CAPN3: variants seen among roughly 807,000 people sequenced by gnomAD.
CAPN3 encodes calpain 3.
A neutral mutation model predicts 114.0 loss-of-function variants in CAPN3; 88 were observed. The observed-to-expected ratio is 0.77, with a 90% CI of 0.65 to 0.92. The LOEUF (loss-of-function observed/expected upper bound fraction) is 0.92, where lower values mean the gene tolerates loss of function less well. Ranked by LOEUF, CAPN3 falls within the 40% of genes least tolerant of loss-of-function variation. CAPN3 has a pLI of 0.00. For missense variants in CAPN3, 1,028 were observed against 1,069.0 expected (o/e 0.96, Z 0.53); for synonymous variants, 386 against 382.9 (o/e 1.01, Z -0.09).
intron 2 of CAPN3, chr15:42,385,710 T>G (rs751752776): frequency 1.9e-6 from 1 of 520,826 alleles, no homozygotes; most frequent in Non-Finnish European, 3.8e-6. Flanking sequence ...TACCTGGCCT[T>G]CCTTCCAATA....
At chr15:42,367,187 T>C (rs2052810775) in intron 1 of CAPN3, among the ~76,000 whole-genome samples, 1 of 152,012 alleles carries the variant, frequency 6.6e-6, no homozygotes, top group Non-Finnish European at 1.5e-5. Context: ...AGTGACTTGG[T>C]AGAGGGTGGA....
At position 42,403,768 on chromosome 15, in the gene CAPN3, T is replaced by C; in HGVS notation, c.1773T>C (p.Asp591=). ...SEEVENTISV[D]RPVKKKKTKP... The stretch of plus-strand genomic sequence containing the variant: ...AAGTTGAAAATACCATCTCCGTGGA[T>C]CGGCCAGTGGTGAGTGGTTTAGATC... Residue 591 remains aspartate, a synonymous_variant, in exon 14 of 24, where the codon GAT becomes GAC. Transcript: ENST00000397163. 1 of 1,614,022 alleles carries C rather than the reference T, an allele frequency of 6.2e-7. No individual in the cohort carries two copies. Among genetic ancestry groups the C allele is most frequent in the South Asian group, 1.1e-5 (1 of 91,076 alleles).
chr15:42,384,272 C>A (rs1048754885), intron 1 of CAPN3, among the ~76,000 whole-genome samples: 6 of 152,068 alleles, frequency 3.9e-5, no homozygotes, highest in Non-Finnish European at 8.8e-5. Context: ...ATTAGCTGGG[C>A]ATGGTGGCGC....
intron 1 of CAPN3, among the ~76,000 whole-genome samples, chr15:42,381,133 A>G (rs1409920919): frequency 6.6e-6 from 1 of 151,964 alleles, no homozygotes; most frequent in Non-Finnish European, 1.5e-5. Flanking sequence ...CATTGTTTTT[A>G]TTATGATTTA....
chr15:42,376,331 T>C (rs1040429130), intron 1 of CAPN3, among the ~76,000 whole-genome samples: 1 of 152,250 alleles, frequency 6.6e-6, no homozygotes, highest in African/African-American at 2.4e-5. Flanking sequence ...TCTGCATCAA[T>C]TATTGGGAAT....
intron 16 of CAPN3, 24 bp from the exon 17 acceptor site, chr15:42,409,279 C>T (rs757341403): frequency 3.1e-6 from 5 of 1,612,668 alleles, no homozygotes; most frequent in Non-Finnish European, 4.2e-6. Flanking sequence ...CCCTGTGAAC[C>T]AGTTTTCCTT....
intron 4 of CAPN3, among the ~76,000 whole-genome samples, chr15:42,388,335 C>T (rs1436459226): frequency 1.3e-5 from 2 of 152,154 alleles, no homozygotes; most frequent in African/African-American, 2.4e-5. Context: ...AACAAGGTCT[C>T]ACTCTGTAAT....
At chr15:42,361,562 C>T in intron 1 of CAPN3, among the ~76,000 whole-genome samples, 1 of 147,196 alleles carries the variant, frequency 6.8e-6, no homozygotes. Context: ...TATGGTAAGG[C>T]CCATAACTGT....
intron 1 of CAPN3, among the ~76,000 whole-genome samples, chr15:42,382,460 C>T (rs1349280213): frequency 6.6e-6 from 1 of 152,070 alleles, no homozygotes; most frequent in Non-Finnish European, 1.5e-5. Context: ...TCTCTGCCTC[C>T]CAGGTTCAAG....
chr15:42,409,397 C>T lies in CAPN3; in HGVS notation c.1992+17C>T. 3 of 1,606,356 alleles carry T rather than the reference C, an allele frequency of 1.9e-6. No individual in the cohort carries two copies. Among genetic ancestry groups the T allele is most frequent in the Non-Finnish European group, 2.6e-6 (3 of 1,172,948 alleles). ...GCAGGAGATGTGAGTACCTCCAAGC[C>T]CAGGACGCCCACAGGTGCTTCCTTC... On this transcript the variant is annotated intron_variant, in intron 17 of 23. Coordinates refer to ENST00000397163, the MANE Select transcript of CAPN3 (RefSeq NM_000070.3).
intron 1 of CAPN3, among the ~76,000 whole-genome samples, chr15:42,380,270 G>A (rs1234900356): frequency 6.7e-6 from 1 of 149,150 alleles, no homozygotes; most frequent in African/African-American, 2.5e-5. Flanking sequence ...TCCATTTATT[G>A]CATTTGTTCT....
chr15:42,407,570 C>G (rs1200080307), intron 15 of CAPN3, among the ~76,000 whole-genome samples: 1 of 152,188 alleles, frequency 6.6e-6, no homozygotes, highest in East Asian at 1.9e-4. Context: ...ACCTTGTGAT[C>G]TGCCTGCTTC....
chr15:42,378,334 C>G (rs1313435307), intron 1 of CAPN3, among the ~76,000 whole-genome samples: 3 of 152,214 alleles, frequency 2.0e-5, no homozygotes, highest in Non-Finnish European at 4.4e-5. Flanking sequence ...AACTCCTCTA[C>G]ATTCCTATGT....
At position 42,399,408 on chromosome 15, in the gene CAPN3, G is replaced by A. The variant is rs1019349216; in HGVS notation, c.1194-84G>A. 5 of 1,051,690 alleles carry A rather than the reference G, an allele frequency of 4.8e-6. No homozygotes were observed. In the Admixed American group the frequency reaches 8.5e-5, roughly 18 times the overall value. 65.1% of individuals were successfully genotyped at this position (1,051,690 alleles called of 1,614,324 possible). On this transcript the variant is annotated intron_variant, in intron 9 of 23. Coordinates refer to ENST00000397163, the MANE Select transcript of CAPN3 (RefSeq NM_000070.3). ...AGTTCCTGTGAACTATTTTATTATT[G>A]TGCTGTGTTAGTCCTGGGGTCTTCC...
chr15:42,399,379 A>G, intron 9 of CAPN3, 113 bp from the exon 10 acceptor site: 1 of 870,178 alleles, frequency 1.1e-6, no homozygotes, highest in Non-Finnish European at 1.9e-6. Flanking sequence ...TGGGACCCTG[A>G]CCAAGTTCCT....
intron 1 of CAPN3, among the ~76,000 whole-genome samples, chr15:42,373,073 A>G (rs1349997033): frequency 6.6e-6 from 1 of 150,862 alleles, no homozygotes; most frequent in African/African-American, 2.4e-5. Flanking sequence ...GGTGCCTGTA[A>G]TCCCAGATAT....
intron 12 of CAPN3, 131 bp from the exon 13 acceptor site, chr15:42,402,663 C>T (rs919258370): frequency 1.4e-5 from 21 of 1,548,240 alleles, no homozygotes; most frequent in African/African-American, 4.1e-5. Flanking sequence ...CCTTGGGAGT[C>T]GGAAGTAGGG....
chr15:42,406,457 C>G lies in CAPN3; in HGVS notation c.1800+514C>G, dbSNP rs1174316846. On this transcript the variant is annotated intron_variant, in intron 15 of 23. Coordinates refer to ENST00000397163, the MANE Select transcript of CAPN3 (RefSeq NM_000070.3). ...CTGGCCCAGACCAGAGCTGACACTC[C>G]TCAGGCACTACCACATTCCAGGCAC... Among the ~76,000 whole-genome samples, 7 of 152,182 alleles carry G rather than the reference C, an allele frequency of 4.6e-5. No homozygotes were observed. The East Asian group carries it at 1.4e-3, about 29-fold the overall frequency.
At chr15:42,372,264 A>G (rs2052970790) in intron 1 of CAPN3, among the ~76,000 whole-genome samples, 2 of 152,226 alleles carry the variant, frequency 1.3e-5, no homozygotes, top group South Asian at 4.1e-4. Context: ...GGTTCAAGCA[A>G]TTCTCCTGCC....
Sources: gnomAD v4.1 joint callset for allele counts (sites outside exome capture counted in the v4.1 genomes callset) on GRCh38, gnomAD v4.1.1 for gene constraint, MANE v1.5 for transcripts, NCBI Gene and HGNC (gene_info 2026-07-23, HGNC 2026-07-21) for gene names.